The following PRR14L variants were observed in gnomAD, a reference collection of about 807,000 sequenced individuals.
PRR14L encodes proline rich 14 like, also known as protein PRR14L.
In PRR14L, 80 loss-of-function variants were observed where a neutral mutation model predicts 155.0. That is an observed-to-expected ratio of 0.52 (90% CI 0.43 to 0.62). The LOEUF (loss-of-function observed/expected upper bound fraction) is 0.62. PRR14L is among the 20% of genes least tolerant of loss of function. The pLI is 0.00. For synonymous variants in PRR14L, 883 were observed against 916.0 expected (o/e 0.96, Z 0.65); for missense variants, 2,469 against 2,548.0 (o/e 0.97, Z 0.67).
chr22:31,714,019 C>G lies in PRR14L; in HGVS notation c.3820G>C (p.Val1274Leu). ...TCAGGAAGGACTGTGCAGTCCTTTA[C>G]ATTTTCACAAAGCATTTCACCATCT... is the stretch of plus-strand genomic sequence containing the variant. ...PKDGEMLCEN[V>L]KDCTVLPEMK... Residue 1274 changes from valine to leucine, a missense_variant, in exon 4 of 9, where the codon GTA becomes CTA. By Grantham distance (32) the Val-to-Leu change is conservative. Around this residue, in one of 2 missense-constraint regions of PRR14L, gnomAD observed 2,363 missense variants for 2,371.6 expected, o/e 1.00. Transcript: ENST00000327423. 3 of 1,551,304 alleles carry G rather than the reference C, an allele frequency of 1.9e-6. No homozygotes were observed. The highest frequency in any genetic ancestry group is 8.7e-7 in the Non-Finnish European group (1 of 1,146,894).
chr22:31,703,526 A>C, intron 6 of PRR14L, 24 bp downstream of exon 6: 1 of 1,602,028 alleles, frequency 6.2e-7, no homozygotes, highest in African/African-American at 1.3e-5. Context: ...CCATCATCTG[A>C]CCCAACCAGC....
At chr22:31,709,732 G>A (rs1011995527) in intron 4 of PRR14L, among the ~76,000 whole-genome samples, 3 of 151,070 alleles carry the variant, frequency 2.0e-5, no homozygotes, top group Non-Finnish European at 3.0e-5. Context: ...GTAGGGACAG[G>A]GTTTCCCCAT....
chr22:31,700,183 A>C (rs1387164061), intron 7 of PRR14L, among the ~76,000 whole-genome samples: 4 of 152,196 alleles, frequency 2.6e-5, no homozygotes, highest in Non-Finnish European at 5.9e-5. Context: ...TTGGCATATA[A>C]CTTGAAAGAA....
intron 6 of PRR14L, 88 bp downstream of exon 6, chr22:31,703,462 G>T: frequency 2.3e-6 from 3 of 1,276,860 alleles, no homozygotes; most frequent in Non-Finnish European, 3.3e-6. Flanking sequence ...ATACTCAGAA[G>T]CCAGTCTGTA....
In PRR14L at chr22:31,716,910, T is replaced by C. The variant is rs1055738197; in HGVS notation, c.929A>G (p.Asp310Gly). The C allele has an allele frequency of 2.6e-6, 4 of 1,551,960 alleles. No homozygotes were observed. The highest frequency in any genetic ancestry group is 2.7e-5 in the African/African-American group (2 of 73,064). ...CKPNLVCEAD[D>G]NHQQLHGHHN... is the part of the protein sequence containing the mutation. ...GTGGCCATGAAGCTGTTGGTGATTG[T>C]CATCTGCTTCACAGACCAGGTTTGG... The change falls in exon 4 of 9, where the codon GAC (aspartate) becomes GGC (glycine). Residue 310 changes from aspartate (D) to glycine (G), a missense_variant. This residue lies in a region of PRR14L where 2,363 missense variants were observed against 2,371.6 expected (regional missense o/e 1.00). Transcript: ENST00000327423.
chr22:31,746,082 A>G (rs952204486), intron 1 of PRR14L, among the ~76,000 whole-genome samples: 1 of 152,038 alleles, frequency 6.6e-6, no homozygotes, highest in Admixed American at 6.6e-5. Flanking sequence ...GGCGCGAGGC[A>G]GTGAACCCAG....
chr22:31,704,257 A>G (rs2074578107), intron 5 of PRR14L, among the ~76,000 whole-genome samples: 1 of 152,200 alleles, frequency 6.6e-6, no homozygotes, highest in African/African-American at 2.4e-5. Context: ...GGAATTTTAT[A>G]AGGAAAAATG....
intron 1 of PRR14L, among the ~76,000 whole-genome samples, chr22:31,747,532 G>A (rs778052066): frequency 8.7e-5 from 13 of 148,758 alleles, no homozygotes; most frequent in Admixed American, 4.8e-4. Flanking sequence ...GAACTTTCCC[G>A]GGCTTGTTTT....
At chr22:31,704,356 A>T (rs2074578628) in intron 5 of PRR14L, 1 of 258,088 alleles carries the variant, frequency 3.9e-6, no homozygotes, top group African/African-American at 2.2e-5. Flanking sequence ...CTGTCCAGGG[A>T]CTGAAGTTGG....
intron 3 of PRR14L, among the ~76,000 whole-genome samples, chr22:31,724,525 C>T (rs1049668082): frequency 6.6e-6 from 1 of 152,228 alleles, no homozygotes; most frequent in Non-Finnish European, 1.5e-5. Context: ...CTTAGCCTCC[C>T]GAGTAGCTGG....
Position 31,681,604 on chromosome 22 carries a change from G to C in PRR14L, c.*3923C>G, listed in dbSNP as rs2074454098. 6.6e-6 allele frequency: 1 copy of C among 152,154 alleles called. No individual in the cohort carries two copies. The highest frequency in any genetic ancestry group is 2.4e-5 in the African/African-American group (1 of 41,418). 9.4% of individuals were successfully genotyped at this position (152,154 alleles called of 1,614,324 possible). ...AGAATTCAAATCCAATTCAGCACCA[G>C]AGAGGGGCTTGTGAAGACACACAAT... On this transcript the variant is annotated 3_prime_UTR_variant, in exon 9 of 9. Transcript: ENST00000327423.
In PRR14L at chr22:31,704,697, G is replaced by A. The variant is rs768794755; in HGVS notation, c.5786C>T (p.Pro1929Leu). The stretch of plus-strand genomic sequence containing the variant: ...GGTGTTATATGTAGCTTCCATGCCT[G>A]GAAGAGGCACATATGGTAACATGGT... Reference protein sequence around the residue: ...SHTMLPYVPLPGMEATYNTSG... With the variant: ...SHTMLPYVPLLGMEATYNTSG... The change falls in exon 5 of 9, where the codon CCA becomes CTA. Residue 1929 changes from proline to leucine, a missense_variant. Pro to Leu is a moderately conservative substitution (Grantham distance 98). Transcript: ENST00000327423. 1.2e-6 allele frequency: 2 copies of A among 1,613,892 alleles called. No homozygotes were observed. The highest frequency in any genetic ancestry group is 8.5e-7 in the Non-Finnish European group (1 of 1,179,878).
intron 4 of PRR14L, among the ~76,000 whole-genome samples, chr22:31,707,473 C>A (rs901665735): frequency 5.3e-5 from 8 of 152,100 alleles, no homozygotes; most frequent in African/African-American, 1.9e-4. Context: ...CTCCACTTCC[C>A]AGGTTCAAGC....
rs1240437354 is a variant in PRR14L, at chr22:31,750,099, G to A, written c.-158C>T. 4 of 152,506 alleles carry A rather than the reference G, an allele frequency of 2.6e-5. No individual in the cohort carries two copies. Among genetic ancestry groups the A allele is most frequent in the Non-Finnish European group, 5.9e-5 (4 of 68,278 alleles). 9.4% of individuals were successfully genotyped at this position (152,506 alleles called of 1,614,324 possible). Reference sequence around the variant, plus strand: ...GAGCCTACGGAGCCGACAGAGGCCGGGGGCGCTCCGGCCGCCGCCACCTCT... The same window carrying A: ...GAGCCTACGGAGCCGACAGAGGCCGAGGGCGCTCCGGCCGCCGCCACCTCT... On this transcript the variant is annotated 5_prime_UTR_variant, in exon 1 of 9. Transcript: ENST00000327423.
intron 5 of PRR14L, 24 bp from the exon 6 acceptor site, chr22:31,703,745 A>G (rs937287650): frequency 2.1e-6 from 3 of 1,431,644 alleles, no homozygotes; most frequent in Admixed American, 2.5e-5. Context: ...GAGAAAGAAG[A>G]TATGAGAGGG....
chr22:31,714,268 T>C lies in PRR14L; in HGVS notation c.3571A>G (p.Arg1191Gly). 6.4e-7 allele frequency: 1 copy of C among 1,551,518 alleles called. No individual in the cohort carries two copies. Among genetic ancestry groups the C allele is most frequent in the Non-Finnish European group, 8.7e-7 (1 of 1,146,940 alleles). ...YGQQDKGTSL[R>G]ETQEMTEGSR... is the part of the protein sequence containing the mutation. ...CCTTCAGTCATTTCTTGTGTTTCTCTGAGAGATGTTCCTTTATCTTGCTGT... is the reference window on the plus strand; with the variant it reads ...CCTTCAGTCATTTCTTGTGTTTCTCCGAGAGATGTTCCTTTATCTTGCTGT... Residue 1191 changes from arginine (R) to glycine (G), a missense_variant, in exon 4 of 9, where the codon AGA becomes GGA. Arg to Gly is a moderately radical substitution (Grantham distance 125). Transcript: ENST00000327423.
intron 4 of PRR14L, among the ~76,000 whole-genome samples, chr22:31,707,745 T>G (rs889329135): frequency 1.3e-5 from 2 of 152,200 alleles, no homozygotes; most frequent in Admixed American, 1.3e-4. Context: ...TATGAGATTT[T>G]AGAGGCATAT....
chr22:31,704,797 T>C (rs1328735166), intron 4 of PRR14L, 71 bp from the exon 5 acceptor site: 10 of 1,198,478 alleles, frequency 8.3e-6, no homozygotes, highest in East Asian at 2.4e-5. Context: ...TTGATGTTAT[T>C]GTGGGTATTA....
chr22:31,728,455 A>AT (rs1214885484), intron 2 of PRR14L, among the ~76,000 whole-genome samples: 5 of 151,926 alleles, frequency 3.3e-5, no homozygotes, highest in Non-Finnish European at 4.4e-5. Flanking sequence ...TCTACTAAAA[A>AT]ATATATAATT....
Sources: gnomAD v4.1 joint callset for allele counts (sites outside exome capture counted in the v4.1 genomes callset) on GRCh38, gnomAD v4.1.1 for gene constraint, gnomAD v4.1.1 regional missense constraint, MANE v1.5 for transcripts, NCBI Gene and HGNC (gene_info 2026-07-23, HGNC 2026-07-21) for gene names.